SLC25A48: variants seen among roughly 807,000 people sequenced by gnomAD.
SLC25A48 encodes solute carrier family 25 member 48.
Under a neutral mutation model 32.2 loss-of-function variants are expected in SLC25A48, and 29 were observed. The observed-to-expected ratio is 0.90, with a 90% CI of 0.67 to 1.23. The LOEUF is 1.23. Among genes scored for constraint, SLC25A48 ranks in the 50% most tolerant of loss-of-function variants. The pLI is 0.00. For missense variants in SLC25A48, 399 were observed against 422.7 expected (o/e 0.94, Z 0.49); for synonymous variants, 164 against 172.3 (o/e 0.95, Z 0.38).
At chr5:135,876,960 G>A (rs1353219133) in intron 6 of SLC25A48, among the ~76,000 whole-genome samples, 1 of 152,174 alleles carries the variant, frequency 6.6e-6, no homozygotes, top group Non-Finnish European at 1.5e-5. Flanking sequence ...AGAGTGCAAG[G>A]CCCAAAGCCC....
chr5:135,865,778 T>C (rs1211855634), intron 4 of SLC25A48, among the ~76,000 whole-genome samples: 1 of 152,224 alleles, frequency 6.6e-6, no homozygotes, highest in Non-Finnish European at 1.5e-5. Context: ...GGGACCTTTT[T>C]CTAAGAGCGC....
chr5:135,688,335 G>T (rs1261042489), intron 3 of SLC25A48, among the ~76,000 whole-genome samples: 1 of 151,628 alleles, frequency 6.6e-6, no homozygotes, highest in Non-Finnish European at 1.5e-5. Context: ...AACAGCCTCT[G>T]TGGATACAGT....
intron 3 of SLC25A48, among the ~76,000 whole-genome samples, chr5:135,670,193 G>C (rs1049542901): frequency 6.6e-6 from 1 of 152,178 alleles, no homozygotes; most frequent in Non-Finnish European, 1.5e-5. Flanking sequence ...GCTTTGGAGA[G>C]TCCCTTAACT....
intron 3 of SLC25A48, among the ~76,000 whole-genome samples, chr5:135,701,759 G>A (rs1296859154): frequency 1.3e-5 from 2 of 152,150 alleles, no homozygotes; most frequent in African/African-American, 4.8e-5. Flanking sequence ...TGGCTGGATG[G>A]GCTATATGGA....
chr5:135,650,521 A>G, intron 3 of SLC25A48: 1 of 425,088 alleles, frequency 2.4e-6, no homozygotes, highest in South Asian at 1.7e-5. Flanking sequence ...ACAAGGGATG[A>G]CCCTGAACAA....
At chr5:135,787,889 G>A (rs1469993145) in intron 3 of SLC25A48, among the ~76,000 whole-genome samples, 1 of 151,788 alleles carries the variant, frequency 6.6e-6, no homozygotes, top group Non-Finnish European at 1.5e-5. Context: ...TGTACACCTT[G>A]TGATATTACT....
intron 3 of SLC25A48, among the ~76,000 whole-genome samples, chr5:135,759,869 G>A (rs564758983): frequency 7.2e-4 from 99 of 137,888 alleles, no homozygotes; most frequent in African/African-American, 2.4e-3. Flanking sequence ...TCACTCTGTC[G>A]CCCAGCCTGG....
At chr5:135,757,746 TTAA>T (rs1393166291) in intron 3 of SLC25A48, among the ~76,000 whole-genome samples, 2 of 148,726 alleles carry the variant, frequency 1.3e-5, no homozygotes, top group African/African-American at 2.5e-5. Context: ...CACTACAATA[TTAA>T]TAAAGTATCA....
At chr5:135,716,239 A>C (rs1338109663) in intron 3 of SLC25A48, among the ~76,000 whole-genome samples, 1 of 152,264 alleles carries the variant, frequency 6.6e-6, no homozygotes, top group African/African-American at 2.4e-5. Context: ...CAGGATCACC[A>C]TCAGGGAAGA....
At chr5:135,769,352 G>A (rs150825817) in intron 3 of SLC25A48, among the ~76,000 whole-genome samples, 2 of 150,492 alleles carry the variant, frequency 1.3e-5, no homozygotes, top group East Asian at 3.9e-4. Flanking sequence ...GAAAGAAAGA[G>A]CATGATATTA....
intron 3 of SLC25A48, among the ~76,000 whole-genome samples, chr5:135,723,032 C>G (rs1300895843): frequency 2.0e-5 from 3 of 152,354 alleles, no homozygotes; most frequent in Middle Eastern, 6.8e-3. Context: ...AGCCCCTGCC[C>G]CTCTTTGGAG....
At chr5:135,764,309 G>A (rs1166094684) in intron 3 of SLC25A48, among the ~76,000 whole-genome samples, 6 of 151,920 alleles carry the variant, frequency 3.9e-5, no homozygotes, top group East Asian at 1.9e-4. Context: ...TCCCAATATC[G>A]TGGAGGGTGT....
intron 1 of SLC25A48, 65 bp from the exon 2 acceptor site, chr5:135,842,351 G>C (rs1301603881): frequency 1.9e-6 from 3 of 1,555,836 alleles, no homozygotes; most frequent in African/African-American, 1.4e-5. Flanking sequence ...TTTGTCCCAA[G>C]AGCTGGCTGG....
At chr5:135,776,279 G>C (rs879408609) in intron 3 of SLC25A48, among the ~76,000 whole-genome samples, 87 of 143,388 alleles carry the variant, frequency 6.1e-4, no homozygotes, top group Non-Finnish European at 1.0e-3. Flanking sequence ...GGGGTGGGGG[G>C]CAGAGAGAAT....
chr5:135,872,771 T>A (rs1202929838), intron 5 of SLC25A48: 1 of 152,436 alleles, frequency 6.6e-6, no homozygotes, highest in Non-Finnish European at 1.5e-5. Flanking sequence ...TCATGAATCA[T>A]CCTCCTCCTC....
intron 3 of SLC25A48, among the ~76,000 whole-genome samples, chr5:135,675,674 T>A (rs1371289520): frequency 6.6e-6 from 1 of 152,076 alleles, no homozygotes; most frequent in African/African-American, 2.4e-5. Flanking sequence ...AAGATTGCTT[T>A]GGCTATTTAA....
At chr5:135,640,947 T>C (rs1752820880) in intron 3 of SLC25A48, among the ~76,000 whole-genome samples, 1 of 152,214 alleles carries the variant, frequency 6.6e-6, no homozygotes, top group Non-Finnish European at 1.5e-5. Context: ...AAGACAAGGA[T>C]GTCTGTACTC....
At chr5:135,729,038 A>T (rs1211993969) in intron 3 of SLC25A48, among the ~76,000 whole-genome samples, 2 of 152,078 alleles carry the variant, frequency 1.3e-5, no homozygotes, top group Non-Finnish European at 2.9e-5. Context: ...ACAGATGCGA[A>T]ACGGGTCCTG....
In SLC25A48 at chr5:135,724,353, C is replaced by T. The variant is rs112742631; in HGVS notation, c.-520-88170C>T. ...AATGGCTCTTAAATGTCAGAGGCTG[C>T]CTGCCTCATCTCATCCCATACCTCC... On this transcript the variant is annotated intron_variant, in intron 3 of 10. Coordinates refer to the SLC25A48 transcript ENST00000646290. Among the ~76,000 whole-genome samples, 487 of 152,336 alleles carry T rather than the reference C, an allele frequency of 3.2e-3. 2 individuals are homozygous for T. The highest frequency in any genetic ancestry group is 0.011 in the African/African-American group (468 of 41,572).
Sources: gnomAD v4.1 joint callset for allele counts (sites outside exome capture counted in the v4.1 genomes callset) on GRCh38, gnomAD v4.1.1 for gene constraint, MANE v1.5 for transcripts, NCBI Gene and HGNC (gene_info 2026-07-23, HGNC 2026-07-21) for gene names.